Variants in MAML2 observed in about 807,000 individuals in gnomAD.
MAML2 encodes mastermind like transcriptional coactivator 2.
In MAML2, 22 loss-of-function variants were observed where a neutral mutation model predicts 96.1. The ratio of observed to expected loss-of-function variants is 0.23; its 90% CI spans 0.16 to 0.33. The LOEUF is 0.33. MAML2 is among the 10% of genes least tolerant of loss of function. The pLI is 1.00. For synonymous variants in MAML2, 561 were observed against 521.3 expected, an observed-to-expected ratio of 1.08 and a Z score of -1.04; for missense variants, 1,367 against 1,392.4, an observed-to-expected ratio of 0.98 and a Z score of 0.29.
intron 2 of MAML2, among the ~76,000 whole-genome samples, chr11:96,006,683 C>G (rs895313692): frequency 1.3e-5 from 2 of 149,232 alleles, no homozygotes; most frequent in African/African-American, 4.9e-5. Context: ...CTCAGCCTCC[C>G]GAGTAGCTGG....
chr11:96,074,582 G>A (rs529195783), intron 2 of MAML2, among the ~76,000 whole-genome samples: 3 of 152,312 alleles, frequency 2.0e-5, no homozygotes, highest in South Asian at 4.1e-4. Flanking sequence ...CGATGGCGGC[G>A]CAAAGCCACC....
rs566779292 is a variant in MAML2 at position 96,261,561 on chromosome 11, C to T, written c.513+79822G>A. Among the ~76,000 whole-genome samples the T allele has an allele frequency of 3.2e-4, 48 of 152,244 alleles. 3 individuals carry two copies. The South Asian group carries it at 9.5e-3, about 30-fold the overall frequency. ...TATAACCTTATTTTCCTACATGAGCCGAAGGTATCGTCTAATGGGGTTCTT... is the reference window on the plus strand; with the variant it reads ...TATAACCTTATTTTCCTACATGAGCTGAAGGTATCGTCTAATGGGGTTCTT... On this transcript the variant is annotated intron_variant, in intron 1 of 4. Transcript: ENST00000524717.
At chr11:96,229,384 C>G (rs1195932671) in intron 1 of MAML2, among the ~76,000 whole-genome samples, 4 of 151,380 alleles carry the variant, frequency 2.6e-5, no homozygotes, top group Admixed American at 1.3e-4. Context: ...TTGGTGAGAT[C>G]CTGCAGAGAT....
At chr11:96,220,603 TA>T (rs1307366975) in intron 1 of MAML2, among the ~76,000 whole-genome samples, 1 of 152,220 alleles carries the variant, frequency 6.6e-6, no homozygotes, top group Non-Finnish European at 1.5e-5. Context: ...AAATGCAATG[TA>T]AAGTGTTCTT....
chr11:96,211,996 G>C (rs190351795), intron 1 of MAML2, among the ~76,000 whole-genome samples: 106 of 152,178 alleles, frequency 7.0e-4, no homozygotes, highest in African/African-American at 2.4e-3. Flanking sequence ...GATGTGCTGG[G>C]TTCAAGAGAT....
chr11:96,224,891 T>G (rs1862190145), intron 1 of MAML2, among the ~76,000 whole-genome samples: 2 of 146,688 alleles, frequency 1.4e-5, no homozygotes, highest in South Asian at 4.2e-4. Context: ...AGGATTTTTG[T>G]TTTTTTTCAA....
At chr11:95,981,681 G>C (rs1157766962) in intron 4 of MAML2, among the ~76,000 whole-genome samples, 1 of 152,190 alleles carries the variant, frequency 6.6e-6, no homozygotes, top group Non-Finnish European at 1.5e-5. Flanking sequence ...GCATTGTGTA[G>C]TGGGCAGTGT....
intron 2 of MAML2, among the ~76,000 whole-genome samples, chr11:96,058,912 T>C (rs1859111169): frequency 1.3e-5 from 2 of 152,124 alleles, no homozygotes; most frequent in Admixed American, 6.5e-5. Context: ...TAAAACCCTG[T>C]CTCTACTAAA....
At chr11:96,089,191 G>T (rs1474944557) in intron 2 of MAML2, among the ~76,000 whole-genome samples, 1 of 152,164 alleles carries the variant, frequency 6.6e-6, no homozygotes, top group African/African-American at 2.4e-5. Context: ...GTTCTGGAAT[G>T]AGAACAGACA....
intron 2 of MAML2, among the ~76,000 whole-genome samples, chr11:96,031,814 T>C (rs1858619287): frequency 6.6e-6 from 1 of 151,768 alleles, no homozygotes. Flanking sequence ...TGAAACCCCG[T>C]CTCTACTAAA....
In MAML2 at chr11:96,047,366, A is replaced by C. The variant is rs560406760; in HGVS notation, c.2139+44526T>G. ...TCAAATCCTTGTTCTGTCATTTTATAATAAAAAACCTTGGGCAAATTACTG... is the reference window on the plus strand; with the variant it reads ...TCAAATCCTTGTTCTGTCATTTTATCATAAAAAACCTTGGGCAAATTACTG... On this transcript the variant is annotated intron_variant, in intron 2 of 4. Coordinates refer to ENST00000524717, the MANE Select transcript of MAML2 (RefSeq NM_032427.4). Among the ~76,000 whole-genome samples, 43 of 152,324 alleles carry C rather than the reference A, an allele frequency of 2.8e-4. 1 individual carries two copies. The highest frequency in any genetic ancestry group is 1.5e-3 in the Admixed American group (23 of 15,298).
At chr11:96,341,329 CT>C in intron 1 of MAML2, 53 bp downstream of exon 1, 2 of 1,470,188 alleles carry the variant, frequency 1.4e-6, no homozygotes, top group Non-Finnish European at 1.8e-6. Context: ...AAACTCTACC[CT>C]CACAAAAGGT....
Position 96,068,859 on chromosome 11 carries a change from TAGCTTG to T in MAML2, c.2139+23027_2139+23032del, listed in dbSNP as rs1297317343. On this transcript the variant is annotated intron_variant, in intron 2 of 4. Transcript: ENST00000524717. ...AAAAAAAAAAAGAAGGTATGTATTT[TAGCTTG>T]AGAACTATAGATAAAAAAGAAGCGA... Among the ~76,000 whole-genome samples, 4 of 150,772 alleles carry T rather than the reference TAGCTTG, an allele frequency of 2.7e-5. No individual in the cohort carries two copies. The East Asian group carries it at 7.8e-4, about 29-fold the overall frequency.
intron 2 of MAML2, among the ~76,000 whole-genome samples, chr11:96,004,149 A>G (rs1858141094): frequency 6.6e-6 from 1 of 152,202 alleles, no homozygotes; most frequent in Non-Finnish European, 1.5e-5. Flanking sequence ...GTTTTATACC[A>G]TGAATTTTCC....
intron 1 of MAML2, among the ~76,000 whole-genome samples, chr11:96,285,668 C>T (rs754717190): frequency 4.6e-5 from 7 of 151,982 alleles, no homozygotes; most frequent in Admixed American, 1.3e-4. Flanking sequence ...GCAAACAACA[C>T]GAACAGACAC....
At chr11:96,015,870 T>C (rs186339661) in intron 2 of MAML2, among the ~76,000 whole-genome samples, 11 of 152,258 alleles carry the variant, frequency 7.2e-5, no homozygotes, top group Non-Finnish European at 1.5e-4. Flanking sequence ...AGGTGCTTCA[T>C]ACTGACAAGG....
chr11:96,313,650 C>T (rs187905567), intron 1 of MAML2, among the ~76,000 whole-genome samples: 1 of 152,266 alleles, frequency 6.6e-6, no homozygotes, highest in African/African-American at 2.4e-5. Context: ...GAAACAAAAA[C>T]AAATCCTACT....
At chr11:96,041,729 T>A (rs1858814169) in intron 2 of MAML2, among the ~76,000 whole-genome samples, 2 of 136,044 alleles carry the variant, frequency 1.5e-5, no homozygotes, top group African/African-American at 5.2e-5. Flanking sequence ...GAGTGAGTGA[T>A]TTTTTTTTTT....
chr11:96,091,985 T>A lies in MAML2; in HGVS notation c.2046A>T (p.Ser682=). The change falls in exon 2 of 5, where the codon TCA becomes TCT. Residue 682 remains serine, a synonymous_variant. Coordinates refer to ENST00000524717, the MANE Select transcript of MAML2 (RefSeq NM_032427.4). ...QSLPSQPLLR[S]PLPLQQKLLL... is the part of the protein sequence containing the mutation. ...GGAGCTTTTGCTGAAGTGGCAAAGG[T>A]GACCTTAGCAAAGGCTGGCTTGGTA... 6.2e-7 allele frequency: 1 copy of A among 1,600,054 alleles called. No individual in the cohort carries two copies. The highest frequency in any genetic ancestry group is 8.5e-7 in the Non-Finnish European group (1 of 1,172,972).
Sources: gnomAD v4.1 joint callset for allele counts (sites outside exome capture counted in the v4.1 genomes callset) on GRCh38, gnomAD v4.1.1 for gene constraint, MANE v1.5 for transcripts, NCBI Gene and HGNC (gene_info 2026-07-23, HGNC 2026-07-21) for gene names.